Variants in FER observed in about 807,000 individuals in gnomAD.
FER encodes the protein tyrosine-protein kinase Fer.
A neutral mutation model predicts 111.0 loss-of-function variants in FER; 63 were observed. The ratio of observed to expected loss-of-function variants is 0.57; its 90% CI spans 0.46 to 0.70. The LOEUF is 0.70. FER is among the 30% of genes least tolerant of loss of function. The pLI, the probability that FER is intolerant of heterozygous loss-of-function variation, is 0.00. For missense variants in FER, 914 were observed against 954.0 expected (o/e 0.96, Z 0.55); for synonymous variants, 327 against 313.9 (o/e 1.04, Z -0.44).
At chr5:109,119,612 TAA>T (rs543036982) in intron 17 of FER, among the ~76,000 whole-genome samples, 12 of 152,178 alleles carry the variant, frequency 7.9e-5, no homozygotes, top group Admixed American at 4.6e-4. Context: ...AGTGGGGTGT[TAA>T]AGTCTCCTAT....
chr5:108,897,814 A>G lies in FER; in HGVS notation c.1202A>G (p.Asn401Ser), dbSNP rs1749373532. Residue 401 changes from asparagine (N) to serine (S), a missense_variant, in exon 10 of 20, where the codon AAT becomes AGT. By Grantham distance (46) the Asn-to-Ser change is conservative. Coordinates refer to ENST00000281092, the MANE Select transcript of FER (RefSeq NM_005246.4). Reference protein sequence around the residue: ...NDGKEPPPVVNYEEDARSVTS... With the variant: ...NDGKEPPPVVSYEEDARSVTS... The stretch of plus-strand genomic sequence containing the variant: ...GGGAAAGAGCCACCTCCAGTAGTAA[A>G]TTATGAAGAAGATGCACGATCAGTT... 1 of 1,612,298 alleles carries G rather than the reference A, an allele frequency of 6.2e-7. No individual in the cohort carries two copies. The highest frequency in any genetic ancestry group is 1.3e-5 in the African/African-American group (1 of 74,792).
chr5:109,113,055 C>G (rs955241902), intron 17 of FER, among the ~76,000 whole-genome samples: 34 of 152,162 alleles, frequency 2.2e-4, no homozygotes, highest in African/African-American at 7.7e-4. Context: ...TGGTCATGAT[C>G]TAAAATCCTC....
At chr5:108,922,908 T>G (rs1056864173) in intron 10 of FER, among the ~76,000 whole-genome samples, 1 of 152,132 alleles carries the variant, frequency 6.6e-6, no homozygotes, top group Non-Finnish European at 1.5e-5. Context: ...TAAGAAACAG[T>G]ATAGTAGTTA....
intron 8 of FER, among the ~76,000 whole-genome samples, chr5:108,876,965 T>G (rs1169744487): frequency 6.6e-6 from 1 of 152,208 alleles, no homozygotes; most frequent in East Asian, 1.9e-4. Flanking sequence ...TTTTCTCTTT[T>G]GTTATATAAA....
chr5:108,980,987 C>T (rs1016908969), intron 13 of FER, among the ~76,000 whole-genome samples: 8 of 152,054 alleles, frequency 5.3e-5, no homozygotes, highest in East Asian at 1.9e-4. Context: ...AGTGAGCACA[C>T]GCTGTTGGAA....
chr5:108,835,674 T>A (rs779188716), intron 4 of FER, 34 bp from the exon 5 acceptor site: 1 of 1,340,610 alleles, frequency 7.5e-7, no homozygotes, highest in South Asian at 1.3e-5. Flanking sequence ...ATTTAAACAA[T>A]TTAATACATT....
chr5:109,055,515 A>G (rs1173010880), intron 16 of FER, among the ~76,000 whole-genome samples: 2 of 152,106 alleles, frequency 1.3e-5, no homozygotes, highest in African/African-American at 4.8e-5. Flanking sequence ...GGCTGGATGC[A>G]GTGGCTCATT....
chr5:108,774,309 G>T (rs1753247645), intron 2 of FER, among the ~76,000 whole-genome samples: 1 of 152,090 alleles, frequency 6.6e-6, no homozygotes, highest in Non-Finnish European at 1.5e-5. Context: ...TCATTGATGG[G>T]CATTTGGGTT....
intron 16 of FER, among the ~76,000 whole-genome samples, chr5:109,077,798 G>C (rs1022140115): frequency 2.6e-5 from 4 of 152,086 alleles, no homozygotes; most frequent in African/African-American, 9.7e-5. Context: ...TAATATTATT[G>C]CTGGTTTTTT....
intron 17 of FER, among the ~76,000 whole-genome samples, chr5:109,134,652 G>T (rs1212283963): frequency 1.3e-5 from 2 of 152,074 alleles, no homozygotes; most frequent in African/African-American, 4.8e-5. Context: ...GAGCAGTTCG[G>T]CCAAGGAACT....
chr5:109,075,410 G>A (rs1443674630), intron 16 of FER, among the ~76,000 whole-genome samples: 2 of 150,904 alleles, frequency 1.3e-5, no homozygotes, highest in Non-Finnish European at 3.0e-5. Context: ...AATATCTTTG[G>A]AATGGCTTTT....
intron 17 of FER, among the ~76,000 whole-genome samples, chr5:109,156,706 G>A (rs546540146): frequency 3.9e-5 from 6 of 152,126 alleles, no homozygotes; most frequent in African/African-American, 1.4e-4. Flanking sequence ...GTGGTCTAGT[G>A]ATTAGAAACT....
chr5:108,818,995 C>G (rs2150097857), intron 3 of FER, among the ~76,000 whole-genome samples: 1 of 152,038 alleles, frequency 6.6e-6, no homozygotes, highest in African/African-American at 2.4e-5. Context: ...ATAATATTCT[C>G]CTTAGTTTAA....
intron 1 of FER, among the ~76,000 whole-genome samples, chr5:108,753,312 T>A (rs1750705797): frequency 6.6e-6 from 1 of 152,140 alleles, no homozygotes; most frequent in Admixed American, 6.5e-5. Flanking sequence ...TTTACTTAAG[T>A]TGAATGACAT....
At chr5:109,000,122 C>T (rs1296417406) in intron 13 of FER, among the ~76,000 whole-genome samples, 2 of 151,290 alleles carry the variant, frequency 1.3e-5, no homozygotes, top group Non-Finnish European at 2.9e-5. Context: ...TTAATGTTGA[C>T]CTTTTTTTCA....
intron 12 of FER, among the ~76,000 whole-genome samples, chr5:108,958,766 T>G (rs1758758632): frequency 6.6e-6 from 1 of 151,848 alleles, no homozygotes; most frequent in Admixed American, 6.6e-5. Context: ...ATTAAAATAT[T>G]TACCATCAGA....
chr5:108,990,947 G>A (rs1269641162), intron 13 of FER, among the ~76,000 whole-genome samples: 1 of 151,576 alleles, frequency 6.6e-6, no homozygotes, highest in Non-Finnish European at 1.5e-5. Context: ...AACTTATGAA[G>A]CAAGAAATAA....
intron 17 of FER, among the ~76,000 whole-genome samples, chr5:109,157,318 A>T (rs565671817): frequency 7.8e-4 from 118 of 152,204 alleles, no homozygotes; most frequent in African/African-American, 2.6e-3. Flanking sequence ...TTTCTATGAA[A>T]ACACTTTAAA....
chr5:109,081,300 C>T (rs926903352), intron 16 of FER, among the ~76,000 whole-genome samples: 2 of 152,042 alleles, frequency 1.3e-5, no homozygotes, highest in Admixed American at 6.6e-5. Flanking sequence ...GTGCATGACT[C>T]TTATCTCTTT....
Sources: allele counts gnomAD v4.1 joint callset (sites outside exome capture counted in the v4.1 genomes callset), GRCh38; gene constraint gnomAD v4.1.1; transcripts MANE v1.5; gene names NCBI Gene and HGNC (gene_info 2026-07-23, HGNC 2026-07-21).